The following IGSF9B variants were observed in gnomAD, a reference collection of about 807,000 sequenced individuals.
IGSF9B encodes protein turtle homolog B.
In IGSF9B, 48 loss-of-function variants were observed where a neutral mutation model predicts 143.7. That is an observed-to-expected ratio of 0.33 (90% CI 0.26 to 0.42). IGSF9B has a LOEUF of 0.42. Among genes scored for constraint, IGSF9B ranks in the 20% least tolerant of loss-of-function variants. The pLI, the probability that IGSF9B is intolerant of heterozygous loss-of-function variation, is 1.00. For synonymous variants in IGSF9B, 903 were observed against 833.1 expected, an observed-to-expected ratio of 1.08 and a Z score of -1.44; for missense variants, 1,706 against 1,980.0, an observed-to-expected ratio of 0.86 and a Z score of 2.63.
intron 18 of IGSF9B, among the ~76,000 whole-genome samples, chr11:133,914,745 G>C (rs1369116840): frequency 6.6e-6 from 1 of 152,202 alleles, no homozygotes; most frequent in Non-Finnish European, 1.5e-5. Flanking sequence ...GAACAGGAGG[G>C]AGGAAGCAGG....
chr11:133,938,443 G>A (rs1448785686), intron 3 of IGSF9B, among the ~76,000 whole-genome samples: 1 of 152,150 alleles, frequency 6.6e-6, no homozygotes, highest in Non-Finnish European at 1.5e-5. Context: ...CCCAGATTCT[G>A]CTGAGAAAAT....
chr11:133,921,372 C>T lies in IGSF9B; in HGVS notation c.2353G>A (p.Glu785Lys). The change falls in exon 18 of 20, where the codon GAG becomes AAG. Residue 785 changes from glutamate (E) to lysine (K), a missense_variant. Physicochemically the swap from Glu to Lys is moderately conservative, Grantham distance 56. Around this residue, in one of 7 missense-constraint regions of IGSF9B, gnomAD observed 135 missense variants for 181.3 expected, o/e 0.74. Transcript: ENST00000533871. ...SPLSSGKVSP[E>K]SIRTLRAPSE... is the part of the protein sequence containing the mutation. ...GGCGCTCGGAGCGTGCGGATGCTCTCGGGGCTCACCTTGCCAGAGGACAAG... is the reference window on the plus strand; with the variant it reads ...GGCGCTCGGAGCGTGCGGATGCTCTTGGGGCTCACCTTGCCAGAGGACAAG... 3 of 1,537,474 alleles carry T rather than the reference C, an allele frequency of 2.0e-6. No individual in the cohort carries two copies. The highest frequency in any genetic ancestry group is 1.2e-5 in the South Asian group (1 of 81,104).
Position 133,931,449 on chromosome 11 carries a change from G to A in IGSF9B, c.1368+4C>T. On this transcript the variant is annotated splice_donor_region_variant and intron_variant, in intron 10 of 19. Transcript: ENST00000533871. This position sits in a 1 kb window ranked among gnomAD's most constrained non-coding sequence, Gnocchi z 7.7. ...GCAGACCCAGGGCTCCAGGGCCCAG[G>A]TACCTTTCTCCAAGTGATGACAGGA... 6.2e-7 allele frequency: 1 copy of A among 1,603,760 alleles called. No homozygotes were observed. Among genetic ancestry groups the A allele is most frequent in the South Asian group, 1.1e-5 (1 of 90,840 alleles).
intron 3 of IGSF9B, 86 bp downstream of exon 3, chr11:133,944,134 G>A: frequency 2.8e-6 from 4 of 1,419,024 alleles, no homozygotes; most frequent in Middle Eastern, 4.1e-4. Flanking sequence ...TGGGAGAAGG[G>A]CTTCCCCTGG....
In IGSF9B at chr11:133,945,455, A is replaced by G. The variant is rs59210593; in HGVS notation, c.262+606T>C. On this transcript the variant is annotated intron_variant, in intron 2 of 19. Coordinates refer to ENST00000533871, the MANE Select transcript of IGSF9B (RefSeq NM_001277285.4). The surrounding 1 kb of genome is among the most constrained non-coding windows in gnomAD (Gnocchi z 4.6). ...TTTCAACCCCAACAACGCTCGCTCA[A>G]TGACACGCACACGCACGCACACACA... 0.13 allele frequency among the ~76,000 whole-genome samples: 20,319 copies of G among 152,162 alleles called. 1,857 individuals are homozygous for G. Among genetic ancestry groups the G allele is most frequent in the East Asian group, 0.45 (2,333 of 5,138 alleles).
chr11:133,932,651 G>C (rs1939757425), intron 7 of IGSF9B, among the ~76,000 whole-genome samples: 1 of 122,208 alleles, frequency 8.2e-6, no homozygotes, highest in Admixed American at 7.8e-5. Flanking sequence ...AGAGCAGACA[G>C]ACAGACAGAC....
chr11:133,906,023 C>T lies in IGSF9B; in HGVS notation c.*3046G>A, dbSNP rs893191651. ...CCATGATGCTGAAGAGGCAGACAGA[C>T]ATCTGAGACACAGAAGCAGGTTTAC... On this transcript the variant is annotated 3_prime_UTR_variant, in exon 20 of 20. Transcript: ENST00000533871. Among the ~76,000 whole-genome samples the T allele has an allele frequency of 1.3e-5, 2 of 152,242 alleles. No homozygotes were observed. Among genetic ancestry groups the T allele is most frequent in the Non-Finnish European group, 2.9e-5 (2 of 68,048 alleles).
In IGSF9B at chr11:133,900,219, TG is replaced by T. The variant is rs1939096949; in HGVS notation, c.*8849del. ...AGACAAGAGCTCTTAGGGAGTGCCATGTCTTGGTTAGGAAAGGGGTTAGTAC... is the reference window on the plus strand; with the variant it reads ...AGACAAGAGCTCTTAGGGAGTGCCATTCTTGGTTAGGAAAGGGGTTAGTAC... On this transcript the variant is annotated 3_prime_UTR_variant, in exon 20 of 20. Transcript: ENST00000533871. 1 of 152,612 alleles carries T rather than the reference TG, an allele frequency of 6.6e-6. No homozygotes were observed. Among genetic ancestry groups the T allele is most frequent in the Non-Finnish European group, 1.5e-5 (1 of 68,050 alleles). 9.5% of individuals were successfully genotyped at this position (152,612 alleles called of 1,614,324 possible). A position where few individuals can be genotyped will look rare whatever the true frequency, so the allele number is the denominator to read the frequency against.
Position 133,899,737 on chromosome 11 carries a change from G to A in IGSF9B, c.*9332C>T, listed in dbSNP as rs1846403660. 1 of 152,346 alleles carries A rather than the reference G, an allele frequency of 6.6e-6. No individual in the cohort carries two copies. The allele number at this position is 152,346 out of a possible 1,614,324, so 9.4% of individuals were successfully genotyped here. A position where few individuals can be genotyped will look rare whatever the true frequency, so the allele number is the denominator to read the frequency against. On this transcript the variant is annotated 3_prime_UTR_variant, in exon 20 of 20. Coordinates refer to ENST00000533871, the MANE Select transcript of IGSF9B (RefSeq NM_001277285.4). ...AAGAGAGGGGATGGTGGGTCTAGAA[G>A]CCAACAGAACAGTAATGGGAGCCTC...
At chr11:133,933,066 G>A (rs566774432) in intron 7 of IGSF9B, among the ~76,000 whole-genome samples, 23 of 152,264 alleles carry the variant, frequency 1.5e-4, no homozygotes, top group African/African-American at 5.1e-4. Context: ...AATCCAGGCC[G>A]GAGGCAGCCC....
Position 133,907,013 on chromosome 11 carries a change from C to T in IGSF9B, c.*2056G>A, listed in dbSNP as rs1460399671. Among the ~76,000 whole-genome samples, 1 of 152,298 alleles carries T rather than the reference C, an allele frequency of 6.6e-6. No individual in the cohort carries two copies. The highest frequency in any genetic ancestry group is 1.5e-5 in the Non-Finnish European group (1 of 68,026). ...AGAACACAAAGAGTTGTGTGCTCTT[C>T]CATCTCGCAGAGCTGGTGCCCAGTG... is the stretch of plus-strand genomic sequence containing the variant. On this transcript the variant is annotated 3_prime_UTR_variant, in exon 20 of 20. Transcript: ENST00000533871.
chr11:133,901,591 T>A lies in IGSF9B; in HGVS notation c.*7478A>T, dbSNP rs922257866. The A allele has an allele frequency of 6.6e-6, 1 of 152,066 alleles. No homozygotes were observed. Among genetic ancestry groups the A allele is most frequent in the African/African-American group, 2.4e-5 (1 of 41,334 alleles). 9.4% of individuals were successfully genotyped at this position (152,066 alleles called of 1,614,324 possible). A position where few individuals can be genotyped will look rare whatever the true frequency, so the allele number is the denominator to read the frequency against. On this transcript the variant is annotated 3_prime_UTR_variant, in exon 20 of 20. Transcript: ENST00000533871. ...CTTGCCTCCCACATACATTCCCCTCTCTCCTTAAAATAGAACCAATTCTGT... is the reference window on the plus strand; with the variant it reads ...CTTGCCTCCCACATACATTCCCCTCACTCCTTAAAATAGAACCAATTCTGT...
At position 133,913,315 on chromosome 11, in the gene IGSF9B, G is replaced by A. The variant is rs996788418; in HGVS notation, c.3984-1308C>T. On this transcript the variant is annotated intron_variant, in intron 18 of 19. Coordinates refer to ENST00000533871, the MANE Select transcript of IGSF9B (RefSeq NM_001277285.4). This position sits in a 1 kb window ranked among gnomAD's most constrained non-coding sequence, Gnocchi z 4.6. ...AAGAAGACCCCAAAGGTCAGCAAGC[G>A]GTCTGAGGTTAAAAAAAAAAATGTT... Among the ~76,000 whole-genome samples the A allele has an allele frequency of 3.3e-5, 5 of 152,008 alleles. No individual in the cohort carries two copies. The highest frequency in any genetic ancestry group is 6.6e-5 in the Admixed American group (1 of 15,246).
chr11:133,956,301 G>C (rs1940250942), intron 1 of IGSF9B, among the ~76,000 whole-genome samples: 1 of 152,148 alleles, frequency 6.6e-6, no homozygotes, highest in Admixed American at 6.5e-5. Flanking sequence ...CAGCCTGCCC[G>C]GAGACCGCAA....
rs1409953075 is a variant in IGSF9B at position 133,927,090 on chromosome 11, T to A, written c.1633A>T (p.Met545Leu). 3 of 1,550,522 alleles carry A rather than the reference T, an allele frequency of 1.9e-6. No individual in the cohort carries two copies. In the South Asian group the frequency reaches 3.6e-5, roughly 18 times the overall value. ...TGGGGCCCAAACTGTGCCCGCTTCA[T>A]CCTGGCCAAAAGAGAGAGACAGGAT... ...GGYEQTFSVWMKRAQFGPHDW... is the reference protein window; with the variant it reads ...GGYEQTFSVWLKRAQFGPHDW... The change falls in exon 13 of 20, where the codon ATG (methionine) becomes TTG (leucine). Residue 545 changes from methionine (M) to leucine (L), a missense_variant and splice_region_variant. Met to Leu is a conservative substitution (Grantham distance 15). This residue lies in a region of IGSF9B where 267 missense variants were observed against 321.1 expected (regional missense o/e 0.83). Transcript: ENST00000533871.
In IGSF9B at chr11:133,919,980, G is replaced by A; in HGVS notation, c.3745C>T (p.Arg1249Ter). 1 of 1,576,052 alleles carries A rather than the reference G, an allele frequency of 6.3e-7. No individual in the cohort carries two copies. Among genetic ancestry groups the A allele is most frequent in the South Asian group, 1.2e-5 (1 of 86,902 alleles). The change falls in exon 18 of 20, where the codon CGA (arginine) becomes TGA (stop). Residue 1249 changes from arginine (R) to a stop codon, truncating the protein, a stop_gained. Transcript: ENST00000533871. LOFTEE classifies it high-confidence loss of function. ...LQPPAAVSFS[R>*]KSTPSTGSPS... ...GAGCCTGTGGACGGCGTAGACTTTC[G>A]AGAAAAGCTGACTGCAGCCGGCGGC...
chr11:133,938,499 G>A (rs1245458026), intron 3 of IGSF9B, among the ~76,000 whole-genome samples: 1 of 152,150 alleles, frequency 6.6e-6, no homozygotes, highest in Non-Finnish European at 1.5e-5. Context: ...AAGGTGGACA[G>A]CCCACCCGAA....
chr11:133,922,769 C>T (rs772115533), intron 15 of IGSF9B, 39 bp from the exon 16 acceptor site: 2 of 1,518,426 alleles, frequency 1.3e-6, no homozygotes, highest in African/African-American at 2.7e-5. Flanking sequence ...GCCCATCCTT[C>T]CCCGGGACCT....
intron 18 of IGSF9B, among the ~76,000 whole-genome samples, chr11:133,914,667 A>C (rs548578486): frequency 2.0e-4 from 30 of 152,200 alleles, no homozygotes; most frequent in Non-Finnish European, 3.5e-4. Context: ...ACAGGACAAA[A>C]GAAGGCTCTG....
Sources: gnomAD v4.1 joint callset for allele counts (sites outside exome capture counted in the v4.1 genomes callset) on GRCh38, gnomAD v4.1.1 for gene constraint, gnomAD v4.1.1 regional missense constraint, Gnocchi (gnomAD v3.1) non-coding constraint, MANE v1.5 for transcripts, NCBI Gene and HGNC (gene_info 2026-07-23, HGNC 2026-07-21) for gene names.